Variants in SBNO2 observed in about 807,000 individuals in gnomAD.
SBNO2 encodes the protein strawberry notch homolog 2.
Under a neutral mutation model 146.3 loss-of-function variants are expected in SBNO2, and 89 were observed. The ratio of observed to expected loss-of-function variants is 0.61; its 90% CI spans 0.51 to 0.73. SBNO2 has a LOEUF of 0.73. Among genes scored for constraint, SBNO2 ranks in the 30% least tolerant of loss-of-function variants. SBNO2 has a pLI of 0.00. For synonymous variants in SBNO2, 1,147 were observed against 892.6 expected (o/e 1.29, Z -5.08); for missense variants, 2,092 against 2,003.7 (o/e 1.04, Z -0.84).
At chr19:1,164,849 GAAC>G (rs2080394315) in intron 1 of SBNO2, among the ~76,000 whole-genome samples, 1 of 66,304 alleles carries the variant, frequency 1.5e-5, no homozygotes, top group African/African-American at 5.6e-5. Context: ...GGAGGAGGAG[GAAC>G]AGGAGGAGGA....
intron 11 of SBNO2, 143 bp downstream of exon 11, chr19:1,121,991 TCCCCA>T: frequency 8.0e-6 from 6 of 747,996 alleles, no homozygotes; most frequent in Admixed American, 4.1e-5. Flanking sequence ...CTCCAGCCCT[TCCCCA>T]GCCCCACCCC....
chr19:1,165,240 C>T (rs2080401457), intron 1 of SBNO2, among the ~76,000 whole-genome samples: 1 of 152,152 alleles, frequency 6.6e-6, no homozygotes, highest in Non-Finnish European at 1.5e-5. Flanking sequence ...CCCCACAGCC[C>T]CACCAGGCAT....
Position 1,135,820 on chromosome 19 carries a change from G to A in SBNO2, c.280-8055C>T, listed in dbSNP as rs78959600. 7.4e-3 allele frequency among the ~76,000 whole-genome samples: 1,122 copies of A among 152,200 alleles called. 18 individuals carry two copies. The highest frequency in any genetic ancestry group is 0.025 in the African/African-American group (1,055 of 41,526). The stretch of plus-strand genomic sequence containing the variant: ...GGCAGACAGAAGAGGCTTCCAGGTG[G>A]TCGTGGGGCACAGGTGGCACTTCCT... On this transcript the variant is annotated intron_variant, in intron 4 of 31. Transcript: ENST00000361757.
chr19:1,161,106 T>G (rs1159343249), intron 1 of SBNO2, among the ~76,000 whole-genome samples: 5 of 44,848 alleles, frequency 1.1e-4, no homozygotes, highest in Admixed American at 4.6e-4. Context: ...GAGGTGGGGG[T>G]GGGGGTGCCT....
chr19:1,146,943 C>T lies in SBNO2; in HGVS notation c.279+366G>A, dbSNP rs562672590. ...TCAGGTGGCTGCTAAGGGGTTGGGACTCCAATGTGCAGGGTGTCTGGACCC... is the reference window on the plus strand; with the variant it reads ...TCAGGTGGCTGCTAAGGGGTTGGGATTCCAATGTGCAGGGTGTCTGGACCC... On this transcript the variant is annotated intron_variant, in intron 4 of 31. Coordinates refer to ENST00000361757, the MANE Select transcript of SBNO2 (RefSeq NM_014963.3). 1.0e-3 allele frequency among the ~76,000 whole-genome samples: 156 copies of T among 152,292 alleles called. 1 individual carries two copies. Among genetic ancestry groups the T allele is most frequent in the African/African-American group, 3.6e-3 (148 of 41,562 alleles).
intron 17 of SBNO2, among the ~76,000 whole-genome samples, chr19:1,114,758 CTGAG>C (rs1225971770): frequency 1.3e-5 from 2 of 152,192 alleles, no homozygotes; most frequent in African/African-American, 4.8e-5. Context: ...CCTCAGCCTC[CTGAG>C]TAGGTGGGAT....
chr19:1,171,864 T>C (rs1415163640), intron 1 of SBNO2, among the ~76,000 whole-genome samples: 3 of 152,186 alleles, frequency 2.0e-5, no homozygotes, highest in Non-Finnish European at 2.9e-5. Flanking sequence ...CTGGAGAACA[T>C]GCACCCTCTC....
At chr19:1,142,081 C>T (rs1214475467) in intron 4 of SBNO2, among the ~76,000 whole-genome samples, 1 of 142,862 alleles carries the variant, frequency 7.0e-6, no homozygotes. Flanking sequence ...TGGCCTCCCT[C>T]CTCATGATCA....
chr19:1,163,376 T>A (rs1296852025), intron 1 of SBNO2, among the ~76,000 whole-genome samples: 1 of 151,872 alleles, frequency 6.6e-6, no homozygotes, highest in East Asian at 1.9e-4. Context: ...GCAGGAAGGG[T>A]CCTCCCCTGG....
At chr19:1,114,492 G>A (rs2079807890) in intron 17 of SBNO2, 70 bp from the exon 18 acceptor site, 4 of 1,306,936 alleles carry the variant, frequency 3.1e-6, no homozygotes, top group African/African-American at 1.5e-5. Context: ...AGGAGACGCA[G>A]CAGGACAGAG....
Position 1,147,412 on chromosome 19 carries a change from A to G in SBNO2, c.176T>C (p.Met59Thr). The G allele has an allele frequency of 8.3e-7, 1 of 1,198,100 alleles. No individual in the cohort carries two copies. Among genetic ancestry groups the G allele is most frequent in the Non-Finnish European group, 1.1e-6 (1 of 883,964 alleles). The allele number at this position is 1,198,100 out of a possible 1,614,324, so 74.2% of individuals were successfully genotyped here. The change falls in exon 4 of 32, where the codon ATG becomes ACG. Residue 59 changes from methionine (M) to threonine (T), a missense_variant. By Grantham distance (81) the Met-to-Thr change is moderately conservative. Transcript: ENST00000361757. Reference protein sequence around the residue: ...PAFSSDSRPFMSSASFLGSQP... With the variant: ...PAFSSDSRPFTSSASFLGSQP... ...GCTGCCGAGGAAGGAGGCGGAGCTC[A>G]TGAACGGGCTGGAGGGAGATGGGGG...
chr19:1,125,195 AC>A (rs1265305227), intron 5 of SBNO2, among the ~76,000 whole-genome samples: 2 of 148,460 alleles, frequency 1.3e-5, no homozygotes, highest in African/African-American at 2.5e-5. Context: ...TACTAAAGAT[AC>A]AAAAAAAAAA....
intron 1 of SBNO2, among the ~76,000 whole-genome samples, chr19:1,170,125 G>A (rs150292536): frequency 5.8e-4 from 89 of 152,348 alleles, no homozygotes; most frequent in African/African-American, 2.0e-3. Context: ...CATCCATGCC[G>A]GGCGCACAGA....
chr19:1,132,888 A>G (rs547344740), intron 4 of SBNO2, among the ~76,000 whole-genome samples: 2 of 152,308 alleles, frequency 1.3e-5, no homozygotes, highest in African/African-American at 4.8e-5. Context: ...GGCAGGAACA[A>G]GTGGTAGCGT....
In SBNO2 at chr19:1,147,386, GGCT is replaced by G. The variant is rs755719976; in HGVS notation, c.199_201del (p.Ser67del). ...GCATAGCTGGTGTCTGGGCAGGGCT[GGCT>G]GCCGAGGAAGGAGGCGGAGCTCATG... On this transcript the variant is annotated inframe_deletion, in exon 4 of 32. Transcript: ENST00000361757. 3.7e-5 allele frequency: 57 copies of G among 1,532,752 alleles called. No homozygotes were observed. The highest frequency in any genetic ancestry group is 5.0e-5 in the Non-Finnish European group (57 of 1,149,832). The allele number at this position is 1,532,752 out of a possible 1,614,324, so 94.9% of individuals were successfully genotyped here. A position where few individuals can be genotyped will look rare whatever the true frequency, so the allele number is the denominator to read the frequency against.
rs1415274149 is a variant in SBNO2, at chr19:1,108,410, G to C, written c.3911C>G (p.Ala1304Gly). ...GAAGTTGATGTCGCAGCCCTGGTGC[G>C]CGAGGGCCGCAGGGTCGGCCTGGGC... ...PDAQADPAAL[A>G]HQGCDINFKE... is the part of the protein sequence containing the mutation. The change falls in exon 32 of 32, where the codon GCG becomes GGG. Residue 1304 changes from alanine to glycine, a missense_variant. Coordinates refer to ENST00000361757, the MANE Select transcript of SBNO2 (RefSeq NM_014963.3). The C allele has an allele frequency of 3.1e-6, 4 of 1,275,662 alleles. No individual in the cohort carries two copies. Among genetic ancestry groups the C allele is most frequent in the African/African-American group, 1.6e-5 (1 of 61,934 alleles). 79.0% of individuals were successfully genotyped at this position (1,275,662 alleles called of 1,614,324 possible).
Position 1,109,467 on chromosome 19 carries a change from C to G in SBNO2, c.3216+39G>C. The G allele has an allele frequency of 1.3e-6, 2 of 1,569,086 alleles. No homozygotes were observed. The highest frequency in any genetic ancestry group is 1.4e-5 in the African/African-American group (1 of 73,944). ...AGGCCGCGCCCCGGTCCGCCCCCCG[C>G]GGGCCCTCCTCTGGGGGGGTAACCC... On this transcript the variant is annotated intron_variant, in intron 28 of 31. Coordinates refer to ENST00000361757, the MANE Select transcript of SBNO2 (RefSeq NM_014963.3). This position sits in a 1 kb window ranked among gnomAD's most constrained non-coding sequence, Gnocchi z 4.2.
Position 1,108,497 on chromosome 19 carries a change from G to C in SBNO2, c.3824C>G (p.Ser1275Cys), listed in dbSNP as rs1057169789. The change falls in exon 32 of 32, where the codon TCT becomes TGT. Residue 1275 changes from serine to cysteine, a missense_variant. By Grantham distance (112) the Ser-to-Cys change is moderately radical. Coordinates refer to ENST00000361757, the MANE Select transcript of SBNO2 (RefSeq NM_014963.3). ...AEAFPPPPHF[S>C]FPAPLSLDAG... ...GTCCAGGGACAGCGGCGCCGGGAAA[G>C]AGAAGTGCGGGGGCGGCGGGAAGGC... 3.3e-6 allele frequency: 4 copies of C among 1,218,956 alleles called. No homozygotes were observed. The highest frequency in any genetic ancestry group is 3.1e-6 in the Non-Finnish European group (3 of 976,384). The allele number at this position is 1,218,956 out of a possible 1,614,324, so 75.5% of individuals were successfully genotyped here.
At position 1,149,456 on chromosome 19, in the gene SBNO2, CG is replaced by C. The variant is rs143106444; in HGVS notation, c.94-15del. On this transcript the variant is annotated splice_polypyrimidine_tract_variant and intron_variant, in intron 2 of 31. Transcript: ENST00000361757. ...CAGCATGGCGCTCTAGAAGAGACAG[CG>C]GGCATCAGTGAGTGGGAAGCAGAGG... The C allele has an allele frequency of 6.4e-5, 99 of 1,549,870 alleles. No individual in the cohort carries two copies. Among genetic ancestry groups the C allele is most frequent in the Non-Finnish European group, 7.8e-5 (89 of 1,146,520 alleles).
Sources: gnomAD v4.1 joint callset for allele counts (sites outside exome capture counted in the v4.1 genomes callset) on GRCh38, gnomAD v4.1.1 for gene constraint, Gnocchi (gnomAD v3.1) non-coding constraint, MANE v1.5 for transcripts, NCBI Gene and HGNC (gene_info 2026-07-23, HGNC 2026-07-21) for gene names.